The following PLCH2 variants were observed in gnomAD, a reference collection of about 807,000 sequenced individuals.
PLCH2 encodes phospholipase C eta 2, also known as 1-phosphatidylinositol 4,5-bisphosphate phosphodiesterase eta-2.
A neutral mutation model predicts 134.7 loss-of-function variants in PLCH2; 98 were observed. The observed-to-expected ratio is 0.73, with a 90% CI of 0.62 to 0.86. PLCH2 has a LOEUF of 0.86. Ranked by LOEUF, PLCH2 falls within the 40% of genes least tolerant of loss-of-function variation. PLCH2 has a pLI of 0.00. For synonymous variants in PLCH2, 974 were observed against 827.5 expected (o/e 1.18, Z -3.04); for missense variants, 1,994 against 1,986.6 (o/e 1.00, Z -0.07).
At chr1:2,489,497 G>A in intron 9 of PLCH2, 119 bp downstream of exon 9, 2 of 1,071,262 alleles carry the variant, frequency 1.9e-6, no homozygotes, top group Non-Finnish European at 2.7e-6. Context: ...GGGGGCTGAG[G>A]GCTGGCCACG....
chr1:2,441,537 C>T (rs1408612776), intron 2 of PLCH2, among the ~76,000 whole-genome samples: 3 of 152,210 alleles, frequency 2.0e-5, no homozygotes, highest in East Asian at 3.9e-4. Flanking sequence ...TCTGCTGAGT[C>T]CACTCTCACT....
intron 9 of PLCH2, 45 bp from the exon 10 acceptor site, chr1:2,489,715 A>G: frequency 6.8e-7 from 1 of 1,474,340 alleles, no homozygotes; most frequent in Non-Finnish European, 9.5e-7. Context: ...CTGGCTTCCC[A>G]GCATTTTCTC....
chr1:2,463,571 G>A (rs962933424), upstream of PLCH2, among the ~76,000 whole-genome samples: 5 of 152,342 alleles, frequency 3.3e-5, no homozygotes, highest in East Asian at 1.9e-4. Flanking sequence ...GCCCCACACC[G>A]CTGGCGGGAG....
chr1:2,463,328 C>A (rs1640911436), upstream of PLCH2, among the ~76,000 whole-genome samples: 1 of 152,232 alleles, frequency 6.6e-6, no homozygotes, highest in Non-Finnish European at 1.5e-5. Context: ...GCCCGTCGAA[C>A]TCAGACATTC....
At chr1:2,501,170 T>A (rs1016910977) in intron 20 of PLCH2, 2 of 151,964 alleles carry the variant, frequency 1.3e-5, no homozygotes, top group Non-Finnish European at 2.9e-5. Flanking sequence ...TCTGAACGCA[T>A]CTGCCCAGAG....
At chr1:2,468,668 G>C (rs1239959362) in intron 1 of PLCH2, among the ~76,000 whole-genome samples, 1 of 152,242 alleles carries the variant, frequency 6.6e-6, no homozygotes, top group Non-Finnish European at 1.5e-5. Context: ...GGGACAGTAG[G>C]AGCTTGCCTC....
At chr1:2,499,898 T>G in intron 20 of PLCH2, 178 bp downstream of exon 20, 1 of 632,522 alleles carries the variant, frequency 1.6e-6, no homozygotes, top group East Asian at 2.7e-5. Flanking sequence ...GCCTGGCTCC[T>G]GAGCCACCAG....
chr1:2,447,989 G>A (rs1055691681), intron 2 of PLCH2, among the ~76,000 whole-genome samples: 1 of 152,202 alleles, frequency 6.6e-6, no homozygotes, highest in Non-Finnish European at 1.5e-5. Context: ...AGATCATTCA[G>A]ACCAGGCTGT....
chr1:2,442,279 C>T (rs527963847), intron 2 of PLCH2, among the ~76,000 whole-genome samples: 22 of 152,274 alleles, frequency 1.4e-4, no homozygotes, highest in Admixed American at 1.2e-3. Flanking sequence ...TGAGGCCTCT[C>T]GTGAATCTGT....
intron 2 of PLCH2, among the ~76,000 whole-genome samples, chr1:2,443,488 C>CG (rs1169388942): frequency 6.6e-6 from 1 of 152,092 alleles, no homozygotes; most frequent in East Asian, 1.9e-4. Context: ...GCTGGGGCCA[C>CG]GGGGAGCCGG....
chr1:2,464,909 G>A (rs973593708), upstream of PLCH2, among the ~76,000 whole-genome samples: 3 of 152,206 alleles, frequency 2.0e-5, no homozygotes, highest in Non-Finnish European at 4.4e-5. Flanking sequence ...GACTGAAGAC[G>A]GGACCCTCAG....
At chr1:2,428,647 C>A (rs911049381) in intron 1 of PLCH2, among the ~76,000 whole-genome samples, 1 of 152,270 alleles carries the variant, frequency 6.6e-6, no homozygotes, top group African/African-American at 2.4e-5. Flanking sequence ...GCCCTTGCGC[C>A]GGCAGACGTG....
chr1:2,495,335 G>C (rs1033806510), intron 12 of PLCH2, among the ~76,000 whole-genome samples, 153 bp from the exon 13 acceptor site: 1 of 152,196 alleles, frequency 6.6e-6, no homozygotes, highest in African/African-American at 2.4e-5. Context: ...GCACCGAGGA[G>C]GCTTTGGCAG....
At position 2,487,013 on chromosome 1, in the gene PLCH2, C is replaced by A. The variant is rs1360714322; in HGVS notation, c.910+13C>A. The stretch of plus-strand genomic sequence containing the variant: ...CTGGGCATTGATGGTGAGTGGGGCG[C>A]TGCCCTCAGCCCAGCTGTCCTGGGA... On this transcript the variant is annotated intron_variant, in intron 6 of 21. Coordinates refer to ENST00000378486, the MANE Select transcript of PLCH2 (RefSeq NM_014638.4). 1.9e-6 allele frequency: 3 copies of A among 1,578,838 alleles called. No homozygotes were observed. The African/African-American group carries it at 4.1e-5, about 21-fold the overall frequency.
Position 2,448,539 on chromosome 1 carries a change from A to G in PLCH2, c.115+17910A>G, listed in dbSNP as rs1640048301. ...GGCCTTTCACTGAGCACGCCCTCAGAGACCCTTTTTCCAAATAAGGCCAAA... is the reference window on the plus strand; with the variant it reads ...GGCCTTTCACTGAGCACGCCCTCAGGGACCCTTTTTCCAAATAAGGCCAAA... On this transcript the variant is annotated intron_variant, in intron 2 of 3. Coordinates refer to the PLCH2 transcript ENST00000609981. The surrounding 1 kb of genome is among the most constrained non-coding windows in gnomAD (Gnocchi z 4.0). Among the ~76,000 whole-genome samples, 1 of 151,880 alleles carries G rather than the reference A, an allele frequency of 6.6e-6. No individual in the cohort carries two copies. Among genetic ancestry groups the G allele is most frequent in the Non-Finnish European group, 1.5e-5 (1 of 68,006 alleles).
intron 2 of PLCH2, among the ~76,000 whole-genome samples, chr1:2,458,150 G>A (rs1640590383): frequency 6.6e-6 from 1 of 152,210 alleles, no homozygotes; most frequent in Non-Finnish European, 1.5e-5. Context: ...GCACAGGGAA[G>A]GTGGCCGGCT....
At position 2,489,363 on chromosome 1, in the gene PLCH2, C is replaced by A. The variant is rs757275616; in HGVS notation, c.1392C>A (p.Gly464=). 8 of 1,613,552 alleles carry A rather than the reference C, an allele frequency of 5.0e-6. No individual in the cohort carries two copies. The highest frequency in any genetic ancestry group is 3.3e-5 in the Admixed American group (2 of 59,986). The change falls in exon 9 of 22, where the codon GGC becomes GGA. Residue 464 remains glycine, a synonymous_variant. Transcript: ENST00000378486. The stretch of plus-strand genomic sequence containing the variant: ...TCCCCTCTCCACAGATGCTCAAGGG[C>A]AAGATCCTCGTGAAGGTGAGTGAGC... ...TTLPSPQMLK[G]KILVKGKKLP...
chr1:2,432,089 C>T (rs562643815), intron 2 of PLCH2, among the ~76,000 whole-genome samples: 36 of 152,278 alleles, frequency 2.4e-4, no homozygotes, highest in African/African-American at 6.0e-4. Flanking sequence ...ATTTACCAGG[C>T]GTCAGCTTCG....
In PLCH2 at chr1:2,491,296, C is replaced by A; in HGVS notation, c.1620C>A (p.Ser540=). Reference sequence around the variant, plus strand: ...ACTGTGAGGACCCCAACAACTTCTCCGTCTCCACACTGTCCCCATCTGGAA... The same window carrying A: ...ACTGTGAGGACCCCAACAACTTCTCAGTCTCCACACTGTCCCCATCTGGAA... ...IRDCEDPNNF[S]VSTLSPSGKL... Residue 540 remains serine, a synonymous_variant, in exon 11 of 22, where the codon TCC becomes TCA. Transcript: ENST00000378486. 6.2e-7 allele frequency: 1 copy of A among 1,613,314 alleles called. No individual in the cohort carries two copies.
Sources: allele counts gnomAD v4.1 joint callset (sites outside exome capture counted in the v4.1 genomes callset), GRCh38; gene constraint gnomAD v4.1.1; non-coding constraint Gnocchi (gnomAD v3.1); transcripts MANE v1.5; gene names NCBI Gene and HGNC (gene_info 2026-07-23, HGNC 2026-07-21).